Variants in ARHGEF1 observed in about 807,000 individuals in gnomAD.
ARHGEF1 encodes the protein Rho guanine nucleotide exchange factor 1.
ARHGEF1 carries 40 observed loss-of-function variants against 119.7 expected under a neutral mutation model. That is an observed-to-expected ratio of 0.33 (90% CI 0.26 to 0.44). The LOEUF (loss-of-function observed/expected upper bound fraction) is 0.44, where lower values mean the gene tolerates loss of function less well. Ranked by LOEUF, ARHGEF1 falls within the 20% of genes least tolerant of loss-of-function variation. ARHGEF1 has a pLI of 1.00. For synonymous variants in ARHGEF1, 494 were observed against 521.0 expected (o/e 0.95, Z 0.71); for missense variants, 976 against 1,268.3 (o/e 0.77, Z 3.50).
intron 1 of ARHGEF1, among the ~76,000 whole-genome samples, chr19:41,884,823 T>G: frequency 6.6e-6 from 1 of 152,188 alleles, no homozygotes; most frequent in Non-Finnish European, 1.5e-5. Flanking sequence ...TGAGTCCCTT[T>G]TAAGTCTCCA....
rs1411716120 is a variant in ARHGEF1, at chr19:41,906,193, TCTG to T, written c.2491+170_2491+172del. 2.9e-6 allele frequency: 2 copies of T among 686,686 alleles called. No individual in the cohort carries two copies. Among genetic ancestry groups the T allele is most frequent in the African/African-American group, 1.8e-5 (1 of 55,394 alleles). The allele number at this position is 686,686 out of a possible 1,614,324, so 42.5% of individuals were successfully genotyped here. A position where few individuals can be genotyped will look rare whatever the true frequency, so the allele number is the denominator to read the frequency against. On this transcript the variant is annotated intron_variant, in intron 26 of 28. Transcript: ENST00000354532. This position sits in a 1 kb window ranked among gnomAD's most constrained non-coding sequence, Gnocchi z 4.5. ...CTGTCCTGGGTGCCCACGTCCCTCT[TCTG>T]CAGCCACCATCCCTTGCTTGATTCT...
Position 41,914,583 on chromosome 19 carries a change from CTCCCTTTCCACCATCTCTGTCTCTCCCT to C in ARHGEF1, c.1865+7781_1865+7808del, listed in dbSNP as rs2074777498. 3.3e-5 allele frequency among the ~76,000 whole-genome samples: 2 copies of C among 60,938 alleles called. 1 individual carries two copies. Among genetic ancestry groups the C allele is most frequent in the Non-Finnish European group, 6.5e-5 (2 of 30,984 alleles). The allele number at this position is 60,938 out of a possible 152,430, so 40.0% of individuals were successfully genotyped here. On this transcript the variant is annotated intron_variant, in intron 18 of 20. Coordinates refer to the ARHGEF1 transcript ENST00000599589. ...CCACCATCTCTGTCTCCGTCTCTCC[CTCCCTTTCCACCATCTCTGTCTCTCCCT>C]CCCCTTCCACCATCTCTGTCTCTGT...
rs1555849800 is a variant in ARHGEF1, at chr19:41,904,925, C to T, written c.2162-24C>T. 6.3e-7 allele frequency: 1 copy of T among 1,598,628 alleles called. No individual in the cohort carries two copies. The highest frequency in any genetic ancestry group is 8.6e-7 in the Non-Finnish European group (1 of 1,166,074). Reference sequence around the variant, plus strand: ...GCACTGGGGGGACCTGGGCTCTGAGCCCCATCTCCCCCTCTCCCTGCAGAT... The same window carrying T: ...GCACTGGGGGGACCTGGGCTCTGAGTCCCATCTCCCCCTCTCCCTGCAGAT... On this transcript the variant is annotated intron_variant, in intron 22 of 28. Coordinates refer to ENST00000354532, the MANE Select transcript of ARHGEF1 (RefSeq NM_004706.4). The surrounding 1 kb of genome is among the most constrained non-coding windows in gnomAD (Gnocchi z 8.4).
At chr19:41,915,735 G>A (rs1026131789) in intron 18 of ARHGEF1, among the ~76,000 whole-genome samples, 20 of 152,014 alleles carry the variant, frequency 1.3e-4, no homozygotes, top group Non-Finnish European at 1.9e-4. Flanking sequence ...CCCGGTGTCC[G>A]TCTCTTGGGG....
At chr19:41,921,380 A>G (rs563143029), upstream of ARHGEF1, among the ~76,000 whole-genome samples, 10 of 152,274 alleles carry the variant, frequency 6.6e-5, no homozygotes, top group Admixed American at 1.3e-4. This position sits in a 1 kb window ranked among gnomAD's most constrained non-coding sequence, Gnocchi z 4.4. Flanking sequence ...TAGGCGGGAC[A>G]TGGGGAACCC....
rs562148123 is a variant in ARHGEF1, at chr19:41,889,160, C to A, written c.225+295C>A. 1.6e-4 allele frequency: 51 copies of A among 309,268 alleles called. No homozygotes were observed. The highest frequency in any genetic ancestry group is 1.0e-3 in the African/African-American group (49 of 47,756). The allele number at this position is 309,268 out of a possible 1,614,324, so 19.2% of individuals were successfully genotyped here. On this transcript the variant is annotated intron_variant, in intron 4 of 28. Transcript: ENST00000354532. This position sits in a 1 kb window ranked among gnomAD's most constrained non-coding sequence, Gnocchi z 4.0. Reference sequence around the variant, plus strand: ...CAGCCTGGCAGAAACCACATCCCATCCCACTCTGTGCCTGTGGCAGCGCCC... The same window carrying A: ...CAGCCTGGCAGAAACCACATCCCATACCACTCTGTGCCTGTGGCAGCGCCC...
chr19:41,921,876 A>G (rs1555852520), upstream of ARHGEF1, among the ~76,000 whole-genome samples: 1 of 146,550 alleles, frequency 6.8e-6, no homozygotes, highest in African/African-American at 2.5e-5. The surrounding 1 kb of genome is among the most constrained non-coding windows in gnomAD (Gnocchi z 4.4). Flanking sequence ...AGCCCACCCT[A>G]CCCCTCCTCC....
At chr19:41,897,008 C>T (rs1568817814) in intron 13 of ARHGEF1, 1 of 436,104 alleles carries the variant, frequency 2.3e-6, no homozygotes, top group African/African-American at 2.3e-5. Context: ...TTTCTTTCCC[C>T]ACCTTCCATC....
Position 41,892,796 on chromosome 19 carries a change from G to A in ARHGEF1, c.561G>A (p.Glu187=). 1.3e-6 allele frequency: 2 copies of A among 1,596,790 alleles called. No individual in the cohort carries two copies. ...TTGGGCGGGACCGAGCCAGCTACGAGGCCCGGGAGCGGCACGTGGCGGAGC... is the reference window on the plus strand; with the variant it reads ...TTGGGCGGGACCGAGCCAGCTACGAAGCCCGGGAGCGGCACGTGGCGGAGC... ...AWVGRDRASY[E]ARERHVAERL... The change falls in exon 7 of 29, where the codon GAG becomes GAA. Residue 187 remains glutamate (E), a synonymous_variant. Coordinates refer to ENST00000354532, the MANE Select transcript of ARHGEF1 (RefSeq NM_004706.4). The surrounding 1 kb of genome is among the most constrained non-coding windows in gnomAD (Gnocchi z 6.3).
chr19:41,892,793 C>CGAGGCCCGGGAGCGGCACGTGGCGGAG lies in ARHGEF1; in HGVS notation c.559_585dup (p.Glu187_Glu195dup). ...GGGTTGGGCGGGACCGAGCCAGCTA[C>CGAGGCCCGGGAGCGGCACGTGGCGGAG]GAGGCCCGGGAGCGGCACGTGGCGG... On this transcript the variant is annotated inframe_insertion, in exon 7 of 29. Transcript: ENST00000354532. This position sits in a 1 kb window ranked among gnomAD's most constrained non-coding sequence, Gnocchi z 6.3. The CGAGGCCCGGGAGCGGCACGTGGCGGAG allele has an allele frequency of 1.3e-6, 2 of 1,598,088 alleles. No individual in the cohort carries two copies. The highest frequency in any genetic ancestry group is 1.1e-5 in the South Asian group (1 of 90,634).
At chr19:41,919,159 C>T (rs114902981), upstream of ARHGEF1, among the ~76,000 whole-genome samples, 728 of 152,068 alleles carry the variant, frequency 4.8e-3, 6 homozygotes, top group African/African-American at 0.017. Context: ...ACACACCACT[C>T]GCAGCTTACT....
chr19:41,889,169 T>TGCCTGTGGCAGCGCCCCCATCA lies in ARHGEF1; in HGVS notation c.225+317_225+338dup. The TGCCTGTGGCAGCGCCCCCATCA allele has an allele frequency of 7.1e-6, 2 of 279,744 alleles. No homozygotes were observed. The highest frequency in any genetic ancestry group is 1.4e-5 in the Non-Finnish European group (2 of 146,756). The allele number at this position is 279,744 out of a possible 1,614,324, so 17.3% of individuals were successfully genotyped here. A position where few individuals can be genotyped will look rare whatever the true frequency, so the allele number is the denominator to read the frequency against. On this transcript the variant is annotated intron_variant, in intron 4 of 28. Coordinates refer to ENST00000354532, the MANE Select transcript of ARHGEF1 (RefSeq NM_004706.4). This position sits in a 1 kb window ranked among gnomAD's most constrained non-coding sequence, Gnocchi z 4.0. Reference sequence around the variant, plus strand: ...AGAAACCACATCCCATCCCACTCTGTGCCTGTGGCAGCGCCCCCATCAGCC... The same window carrying TGCCTGTGGCAGCGCCCCCATCA: ...AGAAACCACATCCCATCCCACTCTGTGCCTGTGGCAGCGCCCCCATCAGCCTGTGGCAGCGCCCCCATCAGCC...
chr19:41,923,114 G>A (rs1407161903), exon 1 of ARHGEF1: 3 of 456,210 alleles, frequency 6.6e-6, no homozygotes, highest in Non-Finnish European at 1.3e-5. Flanking sequence ...ACCACCACCT[G>A]TGAGGTAGGA....
At position 41,898,478 on chromosome 19, in the gene ARHGEF1, G is replaced by A. The variant is rs574679297; in HGVS notation, c.1158G>A (p.Ser386=). The change falls in exon 14 of 29, where the codon TCG becomes TCA. Residue 386 remains serine (S), a synonymous_variant. Transcript: ENST00000354532. ...EPGDEGEPGR[S]GLELEPEEPP... ...GAGATGAGGGGGAGCCGGGGCGGTC[G>A]GGACTGGAGCTTGAACCAGAAGAGC... 5 of 1,549,960 alleles carry A rather than the reference G, an allele frequency of 3.2e-6. No individual in the cohort carries two copies. Among genetic ancestry groups the A allele is most frequent in the African/African-American group, 2.7e-5 (2 of 73,052 alleles).
Position 41,903,250 on chromosome 19 carries a change from C to A in ARHGEF1, c.1739-57C>A. On this transcript the variant is annotated intron_variant, in intron 18 of 28. Transcript: ENST00000354532. The surrounding 1 kb of genome is among the most constrained non-coding windows in gnomAD (Gnocchi z 4.2). ...TGTCCTTTGTCTAACCTTGGCTGCCCAATCTGGAGCCTCCAGGGCAGGGGT... is the reference window on the plus strand; with the variant it reads ...TGTCCTTTGTCTAACCTTGGCTGCCAAATCTGGAGCCTCCAGGGCAGGGGT... The A allele has an allele frequency of 6.5e-7, 1 of 1,537,366 alleles. No individual in the cohort carries two copies.
chr19:41,909,137 G>A (rs1322617413), downstream of ARHGEF1: 2 of 1,231,784 alleles, frequency 1.6e-6, no homozygotes, highest in Non-Finnish European at 2.0e-6. This position sits in a 1 kb window ranked among gnomAD's most constrained non-coding sequence, Gnocchi z 5.2. Flanking sequence ...CCGGGCCCCT[G>A]GCTCTCCCAG....
At chr19:41,896,824 T>TC (rs2074502282) in intron 13 of ARHGEF1, 18 of 289,336 alleles carry the variant, frequency 6.2e-5, no homozygotes, top group South Asian at 3.6e-4. Context: ...CTCTCTCACC[T>TC]CCCCCATCCT....
chr19:41,890,996 C>G (rs1032168478), intron 4 of ARHGEF1, among the ~76,000 whole-genome samples: 2 of 152,106 alleles, frequency 1.3e-5, no homozygotes, highest in African/African-American at 2.4e-5. Flanking sequence ...CCCCAGGAGC[C>G]AGGACAGGTT....
intron 18 of ARHGEF1, chr19:41,913,080 C>G (rs1207568090): frequency 7.5e-6 from 3 of 400,100 alleles, no homozygotes; most frequent in Non-Finnish European, 1.3e-5. Context: ...CCTGCCCACT[C>G]CCTCCCGCAG....
Sources: allele counts gnomAD v4.1 joint callset (sites outside exome capture counted in the v4.1 genomes callset), GRCh38; gene constraint gnomAD v4.1.1; non-coding constraint Gnocchi (gnomAD v3.1); transcripts MANE v1.5; gene names NCBI Gene and HGNC (gene_info 2026-07-23, HGNC 2026-07-21).